The following UVRAG variants were observed in gnomAD, a reference collection of about 807,000 sequenced individuals.
UVRAG encodes the protein UV radiation resistance associated.
In UVRAG, 19 loss-of-function variants were observed where a neutral mutation model predicts 78.0. That is an observed-to-expected ratio of 0.24 (90% CI 0.17 to 0.36). UVRAG has a LOEUF of 0.36. Ranked by LOEUF, UVRAG falls within the 10% of genes least tolerant of loss-of-function variation. The probability of loss-of-function intolerance (pLI) is 1.00; values close to 1 mark genes in which losing one functional copy is unlikely to be tolerated. For synonymous variants in UVRAG, 323 were observed against 324.6 expected (o/e 1.00, Z 0.05); for missense variants, 740 against 853.8 (o/e 0.87, Z 1.66).
At position 76,141,140 on chromosome 11, in the gene UVRAG, C is replaced by T. The variant is rs777861224; in HGVS notation, c.1827C>T (p.Ala609=). 3.7e-6 allele frequency: 6 copies of T among 1,614,070 alleles called. No homozygotes were observed. The African/African-American group carries it at 6.7e-5, about 18-fold the overall frequency. Reference sequence around the variant, plus strand: ...TACCCAGCGAGCAGGCCGGGTCCGCCAGTGTCCAGCTTCCAGGCGAGTTCC... The same window carrying T: ...TACCCAGCGAGCAGGCCGGGTCCGCTAGTGTCCAGCTTCCAGGCGAGTTCC... ...TLLPSEQAGS[A]SVQLPGEFHP... The change falls in exon 15 of 15, where the codon GCC becomes GCT. Residue 609 remains alanine (A), a synonymous_variant. Transcript: ENST00000356136.
intron 9 of UVRAG, among the ~76,000 whole-genome samples, chr11:76,006,793 T>G (rs1004801277): frequency 2.0e-5 from 3 of 152,002 alleles, no homozygotes; most frequent in Non-Finnish European, 4.4e-5. Flanking sequence ...TATGTAATTG[T>G]GAGTGAAATA....
chr11:75,881,928 G>C (rs1946954171), intron 4 of UVRAG, among the ~76,000 whole-genome samples: 1 of 152,084 alleles, frequency 6.6e-6, no homozygotes, highest in Non-Finnish European at 1.5e-5. Context: ...CACACAGCTG[G>C]AGCTAAGATT....
intron 5 of UVRAG, among the ~76,000 whole-genome samples, chr11:75,898,135 C>T (rs894539495): frequency 2.6e-5 from 4 of 152,172 alleles, no homozygotes; most frequent in African/African-American, 9.7e-5. Context: ...TCCCAAAGTG[C>T]TGGGATTACA....
chr11:75,875,262 T>G (rs1413264601), intron 3 of UVRAG, among the ~76,000 whole-genome samples: 1 of 152,238 alleles, frequency 6.6e-6, no homozygotes, highest in Non-Finnish European at 1.5e-5. Flanking sequence ...TTGCCTAAAG[T>G]GCATCCTTTA....
intron 13 of UVRAG, among the ~76,000 whole-genome samples, chr11:76,088,869 A>C (rs1212873663): frequency 6.6e-6 from 1 of 152,174 alleles, no homozygotes; most frequent in Non-Finnish European, 1.5e-5. Flanking sequence ...AAATATGTGA[A>C]TATTCTTACA....
intron 6 of UVRAG, among the ~76,000 whole-genome samples, chr11:75,931,473 CCAAA>C (rs1162411281): frequency 2.6e-5 from 4 of 151,954 alleles, no homozygotes; most frequent in African/African-American, 9.7e-5. Flanking sequence ...CTTTTGTTCC[CCAAA>C]CAAACTTAGC....
chr11:76,061,608 T>C (rs1356562353), intron 12 of UVRAG, among the ~76,000 whole-genome samples: 4 of 150,910 alleles, frequency 2.7e-5, no homozygotes, highest in Admixed American at 1.3e-4. Context: ...ACGCGCCACC[T>C]TAAGAGCTGT....
At chr11:75,842,673 C>G (rs1316491977) in intron 1 of UVRAG, among the ~76,000 whole-genome samples, 1 of 152,166 alleles carries the variant, frequency 6.6e-6, no homozygotes, top group East Asian at 1.9e-4. Context: ...AACTCCTGAC[C>G]TTGTGATCTG....
intron 11 of UVRAG, among the ~76,000 whole-genome samples, chr11:76,012,239 T>G (rs1950062677): frequency 1.3e-5 from 2 of 152,046 alleles, no homozygotes; most frequent in African/African-American, 4.8e-5. Flanking sequence ...CATCATGATG[T>G]TCTCACATTT....
At chr11:76,018,817 G>A (rs1950192896) in intron 12 of UVRAG, among the ~76,000 whole-genome samples, 1 of 152,046 alleles carries the variant, frequency 6.6e-6, no homozygotes, top group African/African-American at 2.4e-5. Context: ...ATGCTTTAAG[G>A]TAGTCTTCTT....
At chr11:75,865,899 G>A (rs1305705196) in intron 3 of UVRAG, among the ~76,000 whole-genome samples, 1 of 152,162 alleles carries the variant, frequency 6.6e-6, no homozygotes, top group African/African-American at 2.4e-5. Flanking sequence ...ACAGGCGTGA[G>A]CCACCACGCC....
In UVRAG at chr11:76,016,881, T is replaced by G; in HGVS notation, c.1127T>G (p.Phe376Cys). 6.2e-7 allele frequency: 1 copy of G among 1,612,792 alleles called. No homozygotes were observed. Among genetic ancestry groups the G allele is most frequent in the African/African-American group, 1.3e-5 (1 of 75,016 alleles). ...YTAHLVSMIS[F>C]FLQVPLRYPI... ...GCACATCTGGTCTCCATGATTTCCT[T>G]TTTCCTACAAGTGCCCCTCAGATAT... is the stretch of plus-strand genomic sequence containing the variant. The change falls in exon 12 of 15, where the codon TTT becomes TGT. Residue 376 changes from phenylalanine (F) to cysteine (C), a missense_variant. Physicochemically the swap from Phe to Cys is radical, Grantham distance 205 (BLOSUM62 -2). Transcript: ENST00000356136.
intron 6 of UVRAG, among the ~76,000 whole-genome samples, chr11:75,943,251 A>T (rs1019071551): frequency 6.7e-6 from 1 of 149,098 alleles, no homozygotes; most frequent in Admixed American, 6.7e-5. Flanking sequence ...TCAACCTCTT[A>T]TTGAGACAAT....
rs759603230 is a variant in UVRAG, at chr11:76,003,967, T to C, written c.827-38T>C. 2.4e-5 allele frequency: 38 copies of C among 1,566,292 alleles called. No individual in the cohort carries two copies. In the South Asian group the frequency reaches 4.2e-4, roughly 17 times the overall value. On this transcript the variant is annotated intron_variant, in intron 8 of 14. Coordinates refer to ENST00000356136, the MANE Select transcript of UVRAG (RefSeq NM_003369.4). ...CTTTGGTTGTGATTGAGTAATCCTA[T>C]GTTACATATGGAATTATCTCCTTCC...
intron 6 of UVRAG, among the ~76,000 whole-genome samples, chr11:75,953,144 A>T (rs1591057768): frequency 6.6e-6 from 1 of 151,738 alleles, no homozygotes; most frequent in South Asian, 2.1e-4. Flanking sequence ...ATCATTCTTT[A>T]TCTCTCTTCT....
chr11:75,901,526 C>G (rs1205270128), intron 5 of UVRAG, among the ~76,000 whole-genome samples: 1 of 152,168 alleles, frequency 6.6e-6, no homozygotes, highest in African/African-American at 2.4e-5. Context: ...TCCCCTCTCA[C>G]AACACTTCCT....
chr11:75,880,503 A>C (rs556159995), intron 4 of UVRAG, among the ~76,000 whole-genome samples: 14 of 152,280 alleles, frequency 9.2e-5, no homozygotes, highest in African/African-American at 3.4e-4. Context: ...ATTTGCTGCC[A>C]CTGGTTCTCC....
At position 76,143,619 on chromosome 11, in the gene UVRAG, G is replaced by T. The variant is rs904818824; in HGVS notation, c.*2206G>T. Among the ~76,000 whole-genome samples the T allele has an allele frequency of 6.6e-6, 1 of 152,226 alleles. No individual in the cohort carries two copies. The highest frequency in any genetic ancestry group is 1.5e-5 in the Non-Finnish European group (1 of 68,036). On this transcript the variant is annotated 3_prime_UTR_variant, in exon 15 of 15. Transcript: ENST00000356136. ...CACCACTTAGGTTTGGGTTCGTTTA[G>T]TTCGAGTTTGGGGTTTTCATTTGAA...
intron 7 of UVRAG, chr11:75,979,653 C>T (rs755099905): frequency 6.5e-5 from 10 of 153,486 alleles, no homozygotes; most frequent in Non-Finnish European, 1.0e-4. Context: ...AGCAAGGCTC[C>T]GTGGGCGTGG....
Sources: gnomAD v4.1 joint callset for allele counts (sites outside exome capture counted in the v4.1 genomes callset) on GRCh38, gnomAD v4.1.1 for gene constraint, MANE v1.5 for transcripts, NCBI Gene and HGNC (gene_info 2026-07-23, HGNC 2026-07-21) for gene names.